The following FMNL2 variants were observed in gnomAD, a reference collection of about 807,000 sequenced individuals.
FMNL2 encodes the protein formin-like protein 2.
A neutral mutation model predicts 130.2 loss-of-function variants in FMNL2; 51 were observed. The ratio of observed to expected loss-of-function variants is 0.39; its 90% CI spans 0.31 to 0.49. The LOEUF is 0.49. Among genes scored for constraint, FMNL2 ranks in the 20% least tolerant of loss-of-function variants. FMNL2 has a pLI of 0.85. For missense variants in FMNL2, 977 were observed against 1,316.2 expected, an observed-to-expected ratio of 0.74 and a Z score of 3.99; for synonymous variants, 465 against 467.1, an observed-to-expected ratio of 1.00 and a Z score of 0.06.
chr2:152,485,370 A>G (rs1205448984), intron 1 of FMNL2, among the ~76,000 whole-genome samples: 1 of 152,194 alleles, frequency 6.6e-6, no homozygotes, highest in Admixed American at 6.5e-5. Flanking sequence ...GTGCACCTGT[A>G]GTCCCAGCTA....
At chr2:152,630,562 C>G (rs1453422700) in intron 20 of FMNL2, among the ~76,000 whole-genome samples, 1 of 152,154 alleles carries the variant, frequency 6.6e-6, no homozygotes, top group East Asian at 1.9e-4. Context: ...CCAGACTGTG[C>G]AGGCCTAACG....
intron 1 of FMNL2, among the ~76,000 whole-genome samples, chr2:152,352,281 G>A (rs530652843): frequency 3.3e-5 from 5 of 152,152 alleles, no homozygotes; most frequent in African/African-American, 7.2e-5. Flanking sequence ...TTCTTTAATC[G>A]TTTCAGTAAA....
At chr2:152,630,025 C>G in intron 20 of FMNL2, 120 bp downstream of exon 20, 1 of 860,342 alleles carries the variant, frequency 1.2e-6, no homozygotes. Flanking sequence ...TCAACTGGTA[C>G]TAATTTTCTG....
chr2:152,355,814 T>C (rs964050836), intron 1 of FMNL2, among the ~76,000 whole-genome samples: 3 of 152,242 alleles, frequency 2.0e-5, no homozygotes, highest in Non-Finnish European at 4.4e-5. Context: ...TGTATTTCAC[T>C]ACTGAGTGGT....
Position 152,626,599 on chromosome 2 carries a change from C to G in FMNL2, c.2037C>G (p.Ser679Arg). The G allele has an allele frequency of 1.2e-6, 2 of 1,612,624 alleles. No individual in the cohort carries two copies. Among genetic ancestry groups the G allele is most frequent in the Non-Finnish European group, 1.7e-6 (2 of 1,179,340 alleles). Residue 679 changes from serine (S) to arginine (R), a missense_variant, in exon 17 of 26, where the codon AGC becomes AGG. Ser to Arg is a moderately radical substitution (Grantham distance 110, BLOSUM62 -1). This residue lies in a region of FMNL2 where 689 missense variants were observed against 995.9 expected (regional missense o/e 0.69). Transcript: ENST00000288670. ...GACCTGCCATTGATCTTTCTTCAAGCAAACAGAAGATACCACAGAAGGGAT... is the reference window on the plus strand; with the variant it reads ...GACCTGCCATTGATCTTTCTTCAAGGAAACAGAAGATACCACAGAAGGGAT... ...AQGPAIDLSSSKQKIPQKGSN... is the reference protein window; with the variant it reads ...AQGPAIDLSSRKQKIPQKGSN...
chr2:152,566,812 C>T (rs1695866359), intron 6 of FMNL2, among the ~76,000 whole-genome samples: 1 of 152,068 alleles, frequency 6.6e-6, no homozygotes, highest in Non-Finnish European at 1.5e-5. Flanking sequence ...GAGTAAACAG[C>T]AGAACCTAGG....
chr2:152,562,706 G>GTGGGCAGGAATATA (rs1695598529), intron 6 of FMNL2, among the ~76,000 whole-genome samples: 1 of 152,180 alleles, frequency 6.6e-6, no homozygotes, highest in African/African-American at 2.4e-5. Flanking sequence ...AGCTTCACAT[G>GTGGGCAGGAATATA]TGGGCAGGAA....
At chr2:152,595,886 G>C (rs1239007699) in intron 9 of FMNL2, among the ~76,000 whole-genome samples, 2 of 151,998 alleles carry the variant, frequency 1.3e-5, no homozygotes, top group Admixed American at 6.5e-5. Context: ...AGAACAGTTA[G>C]GGGCTGTTTC....
intron 1 of FMNL2, chr2:152,390,714 G>C: frequency 1.4e-6 from 1 of 717,012 alleles, no homozygotes. Flanking sequence ...TCTGGCCCTT[G>C]TGAGCCTCAG....
rs1305873392 is a variant in FMNL2 at position 152,636,519 on chromosome 2, C to T, written c.2773C>T (p.Leu925=). 5 of 1,601,944 alleles carry T rather than the reference C, an allele frequency of 3.1e-6. No homozygotes were observed. Among genetic ancestry groups the T allele is most frequent in the Non-Finnish European group, 4.3e-6 (5 of 1,173,610 alleles). The change falls in exon 22 of 26, where the codon CTG becomes TTG. Residue 925 remains leucine, a synonymous_variant. Transcript: ENST00000288670. ...GTACACCATGCATGACCATAACACG[C>T]TGCTGAAGGAGTTCATCCTCAACAA... The part of the protein sequence containing the change: ...REYTMHDHNT[L]LKEFILNNEG...
chr2:152,403,002 T>G (rs959696493), intron 1 of FMNL2, among the ~76,000 whole-genome samples: 3 of 152,180 alleles, frequency 2.0e-5, no homozygotes, highest in African/African-American at 4.8e-5. Context: ...TTGATGATCT[T>G]GACAGTTTCG....
At chr2:152,343,549 A>T (rs6747312) in intron 1 of FMNL2, among the ~76,000 whole-genome samples, 2 of 152,204 alleles carry the variant, frequency 1.3e-5, no homozygotes, top group African/African-American at 4.8e-5. Context: ...ACCAGTCTTG[A>T]CATCTCAAAG....
At chr2:152,341,899 T>C (rs549071470) in intron 1 of FMNL2, among the ~76,000 whole-genome samples, 5 of 152,336 alleles carry the variant, frequency 3.3e-5, no homozygotes, top group Admixed American at 2.6e-4. Flanking sequence ...TCAGATAATC[T>C]GTGTGACAAA....
At chr2:152,593,975 A>T (rs950349342) in intron 9 of FMNL2, among the ~76,000 whole-genome samples, 25 of 150,700 alleles carry the variant, frequency 1.7e-4, no homozygotes, top group Admixed American at 1.6e-3. Flanking sequence ...AAGGAGGAAA[A>T]CTCCCCCACA....
intron 1 of FMNL2, among the ~76,000 whole-genome samples, chr2:152,433,978 A>G (rs12693362): frequency 0.2 from 30,998 of 152,088 alleles, 3,419 homozygotes; most frequent in Middle Eastern, 0.37. Context: ...GATAGAGGAA[A>G]CTGGTACTAT....
chr2:152,488,462 G>A (rs925221723), intron 1 of FMNL2, among the ~76,000 whole-genome samples: 1 of 152,136 alleles, frequency 6.6e-6, no homozygotes, highest in African/African-American at 2.4e-5. Context: ...AGACATGCTG[G>A]TCACACAAGA....
At chr2:152,392,911 G>A (rs747327635) in intron 1 of FMNL2, among the ~76,000 whole-genome samples, 4 of 152,024 alleles carry the variant, frequency 2.6e-5, no homozygotes, top group Admixed American at 6.5e-5. Flanking sequence ...GCTGCCAGTC[G>A]CCATATCTCT....
At chr2:152,616,640 G>A (rs1292171390) in intron 12 of FMNL2, among the ~76,000 whole-genome samples, 2 of 152,090 alleles carry the variant, frequency 1.3e-5, no homozygotes, top group Non-Finnish European at 2.9e-5. Context: ...TACTTGCATA[G>A]TTTGGTCAAA....
In FMNL2 at chr2:152,626,552, A is replaced by G. The variant is rs770927983; in HGVS notation, c.1990A>G (p.Ile664Val). 1.9e-6 allele frequency: 3 copies of G among 1,610,056 alleles called. 1 individual carries two copies. Among genetic ancestry groups the G allele is most frequent in the Middle Eastern group, 1.7e-4 (1 of 6,054 alleles). ...TTTAAATGTGGATGAATTTGAGGAA[A>G]TATTCAAGACAAAAGCCCAAGGACC... is the stretch of plus-strand genomic sequence containing the variant. ...EDLNVDEFEE[I>V]FKTKAQGPAI... Residue 664 changes from isoleucine to valine, a missense_variant, in exon 17 of 26, where the codon ATA becomes GTA. Coordinates refer to ENST00000288670, the MANE Select transcript of FMNL2 (RefSeq NM_052905.4).
Sources: allele counts gnomAD v4.1 joint callset (sites outside exome capture counted in the v4.1 genomes callset), GRCh38; gene constraint gnomAD v4.1.1; regional missense constraint gnomAD v4.1.1; transcripts MANE v1.5; gene names NCBI Gene and HGNC (gene_info 2026-07-23, HGNC 2026-07-21).